The following ADAMTS18 variants were observed in gnomAD, a reference collection of about 807,000 sequenced individuals.
The protein encoded by ADAMTS18 is A disintegrin and metalloproteinase with thrombospondin motifs 18.
Under a neutral mutation model 165.9 loss-of-function variants are expected in ADAMTS18, and 157 were observed. The observed-to-expected ratio is 0.95, with a 90% CI of 0.83 to 1.08. The LOEUF (loss-of-function observed/expected upper bound fraction) is 1.08, where lower values mean the gene tolerates loss of function less well. ADAMTS18 is among the 50% of genes least tolerant of loss of function. ADAMTS18 has a pLI of 0.00. For missense variants in ADAMTS18, 2,040 were observed against 1,534.0 expected (o/e 1.33, Z -5.51); for synonymous variants, 782 against 578.2 (o/e 1.35, Z -5.06).
Position 77,293,185 on chromosome 16 carries a change from G to C in ADAMTS18, c.3080C>G (p.Pro1027Arg). ...GGGGAGACTGGTACACTGGCTCTCG[G>C]GGAGGGTTTCTGCGGCAGAGCCCTT... ...LCKGSAAETL[P>R]ESQCTSLPRP... Residue 1027 changes from proline to arginine, a missense_variant, in exon 20 of 23, where the codon CCC (proline) becomes CGC (arginine). By Grantham distance (103) the Pro-to-Arg change is moderately radical (BLOSUM62 -2). Transcript: ENST00000282849. 2 of 1,614,008 alleles carry C rather than the reference G, an allele frequency of 1.2e-6. No individual in the cohort carries two copies. Among genetic ancestry groups the C allele is most frequent in the Non-Finnish European group, 8.5e-7 (1 of 1,179,972 alleles).
intron 3 of ADAMTS18, among the ~76,000 whole-genome samples, chr16:77,423,041 T>G (rs1014140811): frequency 2.6e-5 from 4 of 152,230 alleles, no homozygotes; most frequent in African/African-American, 7.2e-5. Context: ...CTTGAATCCC[T>G]AGGCTCTACC....
intron 3 of ADAMTS18, among the ~76,000 whole-genome samples, chr16:77,408,172 C>T (rs926087765): frequency 2.6e-5 from 4 of 152,062 alleles, no homozygotes; most frequent in African/African-American, 9.7e-5. Context: ...ACCAAGCATA[C>T]TCTAGATTAA....
chr16:77,291,682 C>A (rs571922056), intron 20 of ADAMTS18, among the ~76,000 whole-genome samples: 41 of 152,314 alleles, frequency 2.7e-4, no homozygotes, highest in African/African-American at 9.4e-4. Flanking sequence ...GTTCAGAGAA[C>A]GGAACTGACT....
chr16:77,284,206 A>G (rs1427680816), intron 22 of ADAMTS18, 135 bp from the exon 23 acceptor site: 2 of 639,310 alleles, frequency 3.1e-6, no homozygotes, highest in Non-Finnish European at 5.5e-6. Flanking sequence ...GCTCACTGCA[A>G]TCTCTGCTGC....
intron 3 of ADAMTS18, among the ~76,000 whole-genome samples, chr16:77,415,540 T>A (rs2057519203): frequency 3.3e-5 from 5 of 152,110 alleles, no homozygotes; most frequent in Admixed American, 3.3e-4. Flanking sequence ...GGCACCGATC[T>A]TGTTGCCTGT....
chr16:77,284,704 T>C (rs2055214901), intron 22 of ADAMTS18, among the ~76,000 whole-genome samples: 1 of 152,164 alleles, frequency 6.6e-6, no homozygotes, highest in African/African-American at 2.4e-5. Context: ...GCCTGGGAGC[T>C]ACCATGGAAT....
intron 3 of ADAMTS18, among the ~76,000 whole-genome samples, chr16:77,371,399 G>A (rs562581648): frequency 1.3e-5 from 2 of 152,114 alleles, no homozygotes; most frequent in African/African-American, 4.8e-5. Flanking sequence ...GAAAGCTACA[G>A]TAACCAAAAA....
At chr16:77,288,691 C>T (rs1175783514) in intron 22 of ADAMTS18, among the ~76,000 whole-genome samples, 5 of 152,144 alleles carry the variant, frequency 3.3e-5, no homozygotes, top group Non-Finnish European at 7.3e-5. Context: ...ATAGTTGTCT[C>T]CTCCATTAAA....
chr16:77,282,578 G>T lies in ADAMTS18; in HGVS notation c.*1378C>A, dbSNP rs1252303524. ...AGCTGGCTAATCCAGCTTGAATTGA[G>T]ACTTTTTAAAGAAGTAAAATTGGGT... On this transcript the variant is annotated 3_prime_UTR_variant, in exon 23 of 23. Transcript: ENST00000282849. 2 of 152,598 alleles carry T rather than the reference G, an allele frequency of 1.3e-5. No individual in the cohort carries two copies. The highest frequency in any genetic ancestry group is 2.9e-5 in the Non-Finnish European group (2 of 68,032). 9.5% of individuals were successfully genotyped at this position (152,598 alleles called of 1,614,324 possible).
intron 3 of ADAMTS18, among the ~76,000 whole-genome samples, chr16:77,385,128 C>T (rs1024867366): frequency 6.6e-5 from 10 of 152,052 alleles, no homozygotes; most frequent in South Asian, 2.1e-4. Flanking sequence ...AGGCTGGTCT[C>T]GAACTCCTGA....
intron 10 of ADAMTS18, among the ~76,000 whole-genome samples, chr16:77,348,569 G>A (rs2056510609): frequency 6.6e-6 from 1 of 152,220 alleles, no homozygotes; most frequent in Non-Finnish European, 1.5e-5. Context: ...GCTGCTTTGA[G>A]GAGGGATGAG....
chr16:77,371,964 A>C (rs1453532117), intron 3 of ADAMTS18, among the ~76,000 whole-genome samples: 1 of 152,182 alleles, frequency 6.6e-6, no homozygotes, highest in Non-Finnish European at 1.5e-5. Flanking sequence ...ATGGCCAAAA[A>C]ACCTAAATAA....
At chr16:77,322,281 G>C in intron 14 of ADAMTS18, 55 bp downstream of exon 14, 1 of 1,585,232 alleles carries the variant, frequency 6.3e-7, no homozygotes, top group Non-Finnish European at 8.6e-7. Context: ...CGGTACACAC[G>C]ATATGATAAA....
At chr16:77,286,419 T>TAATC (rs939335998) in intron 22 of ADAMTS18, among the ~76,000 whole-genome samples, 19 of 152,316 alleles carry the variant, frequency 1.2e-4, no homozygotes, top group African/African-American at 4.6e-4. Flanking sequence ...GTTTATTTTG[T>TAATC]AATCAGACCC....
chr16:77,408,958 A>G (rs1206638978), intron 3 of ADAMTS18, among the ~76,000 whole-genome samples: 3 of 152,122 alleles, frequency 2.0e-5, no homozygotes, highest in Admixed American at 2.0e-4. Context: ...TTAATACAGT[A>G]TATGTTACAC....
Position 77,320,999 on chromosome 16 carries a change from A to G in ADAMTS18, c.2287+80T>C, listed in dbSNP as rs149221603. The G allele has an allele frequency of 7.4e-4, 1,163 of 1,575,012 alleles. 15 individuals are homozygous for G. The African/African-American group carries it at 0.015, about 20-fold the overall frequency. On this transcript the variant is annotated intron_variant, in intron 15 of 22. Transcript: ENST00000282849. ...GTCCAGTGAACTAGTAAAAGGCTCA[A>G]CCACATTTGGCGTGACTCAAACTTG...
rs775431905 is a variant in ADAMTS18 at position 77,291,388 on chromosome 16, G to C, written c.3280C>G (p.Arg1094Gly). 4.3e-6 allele frequency: 7 copies of C among 1,614,052 alleles called. No homozygotes were observed. Among genetic ancestry groups the C allele is most frequent in the South Asian group, 3.3e-5 (3 of 91,070 alleles). ...GGTTTCTTAATATTACGGCATCTTC[G>C]CTCTGGGAAAGTTATCAGCTTTCCC... ...FQGKLITFPERRCRNIKKPNL... is the reference protein window; with the variant it reads ...FQGKLITFPEGRCRNIKKPNL... Residue 1094 changes from arginine to glycine, a missense_variant, in exon 21 of 23, where the codon CGA (arginine) becomes GGA (glycine). Arg to Gly is a moderately radical substitution (Grantham distance 125). Coordinates refer to ENST00000282849, the MANE Select transcript of ADAMTS18 (RefSeq NM_199355.4).
chr16:77,310,196 A>G (rs1203523422), intron 16 of ADAMTS18, among the ~76,000 whole-genome samples: 2 of 152,218 alleles, frequency 1.3e-5, no homozygotes, highest in Non-Finnish European at 2.9e-5. Context: ...AATTTGAAAG[A>G]AGATTGCAAC....
rs545864985 is a variant in ADAMTS18, at chr16:77,282,294, A to C, written c.*1662T>G. On this transcript the variant is annotated 3_prime_UTR_variant, in exon 23 of 23. Coordinates refer to ENST00000282849, the MANE Select transcript of ADAMTS18 (RefSeq NM_199355.4). ...CACATAATAGGCTATTAATTAATAA[A>C]TTAATTTTCCATAAAATAATAAAAT... 6.6e-6 allele frequency: 1 copy of C among 152,264 alleles called. No homozygotes were observed. The highest frequency in any genetic ancestry group is 1.9e-4 in the East Asian group (1 of 5,194). The allele number at this position is 152,264 out of a possible 1,614,324, so 9.4% of individuals were successfully genotyped here.
Sources: gnomAD v4.1 joint callset for allele counts (sites outside exome capture counted in the v4.1 genomes callset) on GRCh38, gnomAD v4.1.1 for gene constraint, MANE v1.5 for transcripts, NCBI Gene and HGNC (gene_info 2026-07-23, HGNC 2026-07-21) for gene names.